The following KIF6 variants were observed in gnomAD, a reference collection of about 807,000 sequenced individuals.
KIF6 encodes the protein kinesin-like protein KIF6.
KIF6 carries 106 observed loss-of-function variants against 112.7 expected under a neutral mutation model. The ratio of observed to expected loss-of-function variants is 0.94; its 90% CI spans 0.80 to 1.11. KIF6 has a LOEUF of 1.11. KIF6 is among the 50% of genes least tolerant of loss of function. The pLI is 0.00. For missense variants in KIF6, 929 were observed against 964.0 expected (o/e 0.96, Z 0.48); for synonymous variants, 339 against 339.9 (o/e 1.00, Z 0.03).
At chr6:39,580,637 A>ATTAT (rs1373390498) in intron 9 of KIF6, among the ~76,000 whole-genome samples, 1 of 152,212 alleles carries the variant, frequency 6.6e-6, no homozygotes, top group Non-Finnish European at 1.5e-5. Context: ...ATGAAATAAT[A>ATTAT]TAATTTCTTT....
Position 39,586,645 on chromosome 6 carries a change from T to C in KIF6, c.847-241A>G, listed in dbSNP as rs1202929224. Among the ~76,000 whole-genome samples, 3 of 152,186 alleles carry C rather than the reference T, an allele frequency of 2.0e-5. No homozygotes were observed. The East Asian group carries it at 5.8e-4, about 29-fold the overall frequency. ...GTGAGCCCCATAATTTTTGGACAAA[T>C]GAAATAACCTGTATAGAACTGGATA... On this transcript the variant is annotated intron_variant, in intron 7 of 22. Coordinates refer to ENST00000287152, the MANE Select transcript of KIF6 (RefSeq NM_145027.6).
At chr6:39,345,836 A>G in intron 20 of KIF6, 47 bp from the exon 21 acceptor site, 1 of 1,383,328 alleles carries the variant, frequency 7.2e-7, no homozygotes, top group Non-Finnish European at 1.0e-6. Context: ...GGGCAAATTT[A>G]TAGAAGGAAA....
chr6:39,443,178 G>A (rs991103798), intron 13 of KIF6, among the ~76,000 whole-genome samples: 1 of 144,994 alleles, frequency 6.9e-6, no homozygotes, highest in African/African-American at 2.6e-5. Context: ...ATAAAAAAAA[G>A]AAAGAGGCTC....
At chr6:39,566,040 T>C (rs1780256792) in intron 10 of KIF6, among the ~76,000 whole-genome samples, 1 of 152,168 alleles carries the variant, frequency 6.6e-6, no homozygotes, top group African/African-American at 2.4e-5. Context: ...GGATTCCACA[T>C]CTCGATGTTG....
At position 39,677,995 on chromosome 6, in the gene KIF6, G is replaced by A. The variant is rs180672499; in HGVS notation, c.251+36697C>T. Among the ~76,000 whole-genome samples, 325 of 151,164 alleles carry A rather than the reference G, an allele frequency of 2.1e-3. 1 individual carries two copies. Among genetic ancestry groups the A allele is most frequent in the African/African-American group, 7.2e-3 (295 of 41,032 alleles). On this transcript the variant is annotated intron_variant, in intron 3 of 22. Coordinates refer to ENST00000287152, the MANE Select transcript of KIF6 (RefSeq NM_145027.6). The stretch of plus-strand genomic sequence containing the variant: ...GTGAATAGTGCCGCAATAAACATAC[G>A]TGTGCATGTGTCTTTATAGCAGCAT...
chr6:39,385,354 T>G (rs1270701740), intron 16 of KIF6, among the ~76,000 whole-genome samples: 2 of 151,624 alleles, frequency 1.3e-5, no homozygotes, highest in Non-Finnish European at 2.9e-5. Flanking sequence ...TAGGTGGGGA[T>G]GTGGGGTGGG....
intron 15 of KIF6, among the ~76,000 whole-genome samples, chr6:39,392,068 A>G (rs1767941892): frequency 6.6e-6 from 1 of 152,046 alleles, no homozygotes; most frequent in Non-Finnish European, 1.5e-5. Context: ...GGTTTGATGT[A>G]TGTGCTTTTA....
intron 13 of KIF6, among the ~76,000 whole-genome samples, chr6:39,519,464 T>C (rs1211458623): frequency 1.3e-5 from 2 of 152,192 alleles, no homozygotes; most frequent in African/African-American, 4.8e-5. Flanking sequence ...TAATGCTGCA[T>C]GGCAGGTTTT....
chr6:39,450,753 C>G (rs1772646496), intron 13 of KIF6, among the ~76,000 whole-genome samples: 1 of 152,130 alleles, frequency 6.6e-6, no homozygotes. Flanking sequence ...TTCAGTCAGC[C>G]ATAATCGCAC....
At chr6:39,360,758 C>A (rs974395985) in intron 17 of KIF6, among the ~76,000 whole-genome samples, 1 of 152,280 alleles carries the variant, frequency 6.6e-6, no homozygotes, top group East Asian at 1.9e-4. Flanking sequence ...CCATGGGAAT[C>A]TGTGTGTGAG....
intron 15 of KIF6, among the ~76,000 whole-genome samples, chr6:39,389,487 G>A (rs577865445): frequency 9.9e-5 from 15 of 152,282 alleles, no homozygotes; most frequent in Admixed American, 5.2e-4. Flanking sequence ...ATACACACTC[G>A]TAGAAGGCTC....
At chr6:39,611,910 T>C (rs1213841113) in intron 6 of KIF6, among the ~76,000 whole-genome samples, 1 of 152,174 alleles carries the variant, frequency 6.6e-6, no homozygotes, top group East Asian at 1.9e-4. Context: ...AATACAAATT[T>C]GTAAAGCAAA....
chr6:39,555,250 C>T (rs528056685), intron 10 of KIF6, among the ~76,000 whole-genome samples: 16 of 152,284 alleles, frequency 1.1e-4, no homozygotes, highest in African/African-American at 3.4e-4. Context: ...TTGGCTGACA[C>T]CTAGTGGCAC....
intron 13 of KIF6, among the ~76,000 whole-genome samples, chr6:39,499,350 G>C (rs1490614021): frequency 6.6e-6 from 1 of 152,000 alleles, no homozygotes; most frequent in Non-Finnish European, 1.5e-5. Context: ...TTAAAGAAAG[G>C]GGAGGGAGAA....
At chr6:39,526,034 T>C (rs989454457) in intron 13 of KIF6, among the ~76,000 whole-genome samples, 2 of 152,196 alleles carry the variant, frequency 1.3e-5, no homozygotes, top group African/African-American at 4.8e-5. Context: ...AGCAACTCTT[T>C]TTCCATTTCA....
chr6:39,517,662 A>G (rs1243579504), intron 13 of KIF6, among the ~76,000 whole-genome samples: 1 of 152,342 alleles, frequency 6.6e-6, no homozygotes, highest in Admixed American at 6.5e-5. Context: ...CACACTGCAC[A>G]TCTAATTAAA....
intron 16 of KIF6, among the ~76,000 whole-genome samples, chr6:39,384,591 C>T (rs923011348): frequency 2.6e-5 from 4 of 152,140 alleles, no homozygotes; most frequent in African/African-American, 9.7e-5. Context: ...ATTATTACTA[C>T]TGAAACGAAA....
At chr6:39,417,092 C>T (rs1769971828) in intron 15 of KIF6, among the ~76,000 whole-genome samples, 1 of 152,188 alleles carries the variant, frequency 6.6e-6, no homozygotes, top group South Asian at 2.1e-4. Flanking sequence ...AATGCACTCA[C>T]TCATATCCTA....
intron 5 of KIF6, chr6:39,617,772 C>T: frequency 2.2e-6 from 1 of 454,770 alleles, no homozygotes; most frequent in South Asian, 1.6e-5. Context: ...GACACCCTGA[C>T]CTAGAGCAAT....
Sources: allele counts gnomAD v4.1 joint callset (sites outside exome capture counted in the v4.1 genomes callset), GRCh38; gene constraint gnomAD v4.1.1; transcripts MANE v1.5; gene names NCBI Gene and HGNC (gene_info 2026-07-23, HGNC 2026-07-21).